DPP6: variants seen among roughly 807,000 people sequenced by gnomAD.
The protein encoded by DPP6 is dipeptidyl peptidase like 6, also known as A-type potassium channel modulatory protein DPP6.
Under a neutral mutation model 122.6 loss-of-function variants are expected in DPP6, and 69 were observed. That is an observed-to-expected ratio of 0.56 (90% confidence interval 0.46 to 0.69). The LOEUF (loss-of-function observed/expected upper bound fraction) is 0.69. Ranked by LOEUF, DPP6 falls within the 30% of genes least tolerant of loss-of-function variation. The probability of loss-of-function intolerance (pLI) is 0.00; values close to 1 mark genes in which losing one functional copy is unlikely to be tolerated. For missense variants in DPP6, 928 were observed against 1,116.9 expected (o/e 0.83, Z 2.41); for synonymous variants, 418 against 433.1 (o/e 0.97, Z 0.43).
the DPP6 span, among the ~76,000 whole-genome samples, chr7:153,770,215 C>A: frequency 1.3e-5 from 2 of 152,080 alleles, no homozygotes; most frequent in Admixed American, 1.3e-4. Context: ...GAGATGAATA[C>A]TCATTGCAAC....
In DPP6 at chr7:154,224,516, A is replaced by G. The variant is rs576095588; in HGVS notation, c.243+171453A>G. Among the ~76,000 whole-genome samples, 13 of 149,116 alleles carry G rather than the reference A, an allele frequency of 8.7e-5. No homozygotes were observed. The South Asian group carries it at 2.8e-3, about 32-fold the overall frequency. ...TGCATTGGTCTCCCAGGCCATTCCA[A>G]TCAACTGCAAAGCTTCATCTTTCAT... On this transcript the variant is annotated intron_variant, in intron 1 of 25. Coordinates refer to ENST00000377770, the MANE Select transcript of DPP6 (RefSeq NM_130797.4).
At chr7:154,667,552 G>T (rs931913102) in intron 6 of DPP6, among the ~76,000 whole-genome samples, 9 of 152,114 alleles carry the variant, frequency 5.9e-5, no homozygotes, top group African/African-American at 2.2e-4. Flanking sequence ...GTGAAACTCT[G>T]TCTCTACTAA....
intron 2 of DPP6, among the ~76,000 whole-genome samples, chr7:154,447,023 G>A (rs1392342870): frequency 1.3e-5 from 2 of 152,148 alleles, no homozygotes; most frequent in Non-Finnish European, 2.9e-5. Context: ...TAATAATATA[G>A]AGCTGGACAT....
intron 1 of DPP6, among the ~76,000 whole-genome samples, chr7:153,921,067 A>C (rs1347862980): frequency 6.6e-6 from 1 of 152,254 alleles, no homozygotes; most frequent in Non-Finnish European, 1.5e-5. Context: ...AGATCTGGCC[A>C]CATGACTTTC....
chr7:154,195,762 C>T (rs1312159056), intron 1 of DPP6, among the ~76,000 whole-genome samples: 5 of 152,130 alleles, frequency 3.3e-5, no homozygotes, highest in African/African-American at 1.2e-4. Flanking sequence ...TTCTGTTATG[C>T]CACTCCTTTG....
chr7:154,730,918 G>A (rs764181711), intron 8 of DPP6, among the ~76,000 whole-genome samples: 24 of 152,208 alleles, frequency 1.6e-4, no homozygotes, highest in Admixed American at 3.3e-4. Context: ...CCATTGAAAG[G>A]ACTTTTTTCT....
chr7:153,813,250 C>G, the DPP6 span, among the ~76,000 whole-genome samples: 1 of 141,646 alleles, frequency 7.1e-6, no homozygotes, highest in South Asian at 2.3e-4. Flanking sequence ...TTGTTCAGTT[C>G]CCACCTATGA....
chr7:154,542,184 T>C (rs1429358289), intron 4 of DPP6, among the ~76,000 whole-genome samples: 3 of 152,308 alleles, frequency 2.0e-5, no homozygotes, highest in East Asian at 3.9e-4. Context: ...ATGATCACTT[T>C]ATTGAATTAA....
chr7:153,795,231 A>G, the DPP6 span, among the ~76,000 whole-genome samples: 1 of 152,232 alleles, frequency 6.6e-6, no homozygotes, highest in African/African-American at 2.4e-5. Flanking sequence ...CCTGGCCAAC[A>G]TGGTGCAACC....
chr7:154,553,831 C>G (rs1443010128), intron 4 of DPP6, among the ~76,000 whole-genome samples: 1 of 150,782 alleles, frequency 6.6e-6, no homozygotes, highest in African/African-American at 2.4e-5. Flanking sequence ...GTGGTTACTC[C>G]TGGAGGCCAC....
intron 20 of DPP6, chr7:154,876,923 A>T (rs1804913919): frequency 6.6e-6 from 1 of 152,156 alleles, no homozygotes; most frequent in Non-Finnish European, 1.5e-5. Context: ...AGGCAGGGAG[A>T]AGCGCATCTA....
chr7:153,867,687 G>A, the DPP6 span, among the ~76,000 whole-genome samples: 1 of 152,124 alleles, frequency 6.6e-6, no homozygotes, highest in Non-Finnish European at 1.5e-5. Context: ...CCAACACTAT[G>A]TTGAATAGGA....
chr7:154,062,377 C>A (rs1258840647), intron 1 of DPP6, among the ~76,000 whole-genome samples: 12 of 7,430 alleles, frequency 1.6e-3, no homozygotes, highest in East Asian at 7.5e-3. Flanking sequence ...CCTCTTCCGC[C>A]CCTGGCTTTT....
intron 10 of DPP6, among the ~76,000 whole-genome samples, chr7:154,788,443 C>CAA (rs11364637): frequency 8.9e-6 from 1 of 111,998 alleles, no homozygotes; most frequent in African/African-American, 3.1e-5. Flanking sequence ...GACTCTGCCT[C>CAA]AAAAAAAAAA....
At chr7:154,062,606 A>G (rs376243664) in intron 1 of DPP6, among the ~76,000 whole-genome samples, 246 of 15,068 alleles carry the variant, frequency 0.016, 4 homozygotes, top group East Asian at 0.051. Flanking sequence ...CTGAGAGCCA[A>G]CCCCTGGTTC....
chr7:154,090,723 G>A (rs1274337692), intron 1 of DPP6, among the ~76,000 whole-genome samples: 1 of 150,008 alleles, frequency 6.7e-6, no homozygotes, highest in Admixed American at 6.7e-5. Flanking sequence ...GGTAAGAAAA[G>A]CTGAATCCAA....
At chr7:153,873,511 A>C in the DPP6 span, among the ~76,000 whole-genome samples, 42 of 152,344 alleles carry the variant, frequency 2.8e-4, 1 homozygote, top group African/African-American at 9.4e-4. Flanking sequence ...AAAAAATTCT[A>C]ACCGTTCCAT....
intron 1 of DPP6, among the ~76,000 whole-genome samples, chr7:153,924,254 A>C (rs1017319957): frequency 2.0e-5 from 3 of 151,872 alleles, no homozygotes; most frequent in African/African-American, 7.3e-5. Context: ...GATTATAGGC[A>C]CATGTCACCA....
intron 5 of DPP6, chr7:154,587,622 A>G: frequency 6.5e-7 from 1 of 1,526,988 alleles, no homozygotes; most frequent in South Asian, 1.2e-5. Flanking sequence ...GCTTTCTAAA[A>G]TGATTCTGCC....
Sources: allele counts gnomAD v4.1 joint callset (sites outside exome capture counted in the v4.1 genomes callset), GRCh38; gene constraint gnomAD v4.1.1; transcripts MANE v1.5; gene names NCBI Gene and HGNC (gene_info 2026-07-23, HGNC 2026-07-21).